Variants in ANKRD44 observed in about 807,000 individuals in gnomAD.
ANKRD44 encodes the protein ankyrin repeat domain 44.
Under a neutral mutation model 116.0 loss-of-function variants are expected in ANKRD44, and 35 were observed. The ratio of observed to expected loss-of-function variants is 0.30; its 90% CI spans 0.23 to 0.40. The LOEUF (loss-of-function observed/expected upper bound fraction) is 0.40, where lower values mean the gene tolerates loss of function less well. Among genes scored for constraint, ANKRD44 ranks in the 10% least tolerant of loss-of-function variants. The pLI is 1.00. For synonymous variants in ANKRD44, 435 were observed against 461.8 expected (o/e 0.94, Z 0.74); for missense variants, 1,014 against 1,242.6 (o/e 0.82, Z 2.77).
chr2:197,099,921 A>C lies in ANKRD44; in HGVS notation c.995T>G (p.Ile332Ser). The change falls in exon 10 of 28, where the codon ATT becomes AGT. Residue 332 changes from isoleucine to serine, a missense_variant. By Grantham distance (142) the Ile-to-Ser change is moderately radical. Coordinates refer to ENST00000282272, the MANE Select transcript of ANKRD44 (RefSeq NM_001195144.2). ...SQTLIQNGGE[I>S]DCVDKDGNTP... is the part of the protein sequence containing the mutation. ...GTTGCCGTCCTTATCCACACAGTCA[A>C]TTTCACCTCCTGAAAGAGATATTTT... The C allele has an allele frequency of 1.9e-6, 3 of 1,614,006 alleles. No homozygotes were observed. Among genetic ancestry groups the C allele is most frequent in the Non-Finnish European group, 8.5e-7 (1 of 1,179,930 alleles).
chr2:197,241,823 C>G (rs1257921139), intron 1 of ANKRD44, among the ~76,000 whole-genome samples: 1 of 151,968 alleles, frequency 6.6e-6, no homozygotes, highest in African/African-American at 2.4e-5. Flanking sequence ...TGCTGGTGGC[C>G]TGAAAGAGGA....
chr2:197,147,448 C>A (rs758151767), intron 2 of ANKRD44, among the ~76,000 whole-genome samples: 10 of 145,732 alleles, frequency 6.9e-5, no homozygotes, highest in Non-Finnish European at 1.5e-4. Flanking sequence ...AAAAAAAAAT[C>A]TAACCTACCA....
chr2:197,263,253 G>T (rs569831467), intron 1 of ANKRD44: 2 of 551,384 alleles, frequency 3.6e-6, no homozygotes, highest in Non-Finnish European at 3.3e-6. Flanking sequence ...GTAGTCTCAC[G>T]TCCCCTTACC....
rs1158742057 is a variant in ANKRD44, at chr2:197,088,697, T to G, written c.1247+14A>C. 1.3e-6 allele frequency: 2 copies of G among 1,572,656 alleles called. No homozygotes were observed. Among genetic ancestry groups the G allele is most frequent in the Non-Finnish European group, 1.7e-6 (2 of 1,148,966 alleles). Reference sequence around the variant, plus strand: ...TAGTAACTCATAAATTAACTAGAATTGGTAACTACTCACCCTCCTGCAGCA... The same window carrying G: ...TAGTAACTCATAAATTAACTAGAATGGGTAACTACTCACCCTCCTGCAGCA... On this transcript the variant is annotated intron_variant, in intron 12 of 27. Transcript: ENST00000282272.
intron 1 of ANKRD44, among the ~76,000 whole-genome samples, chr2:197,196,062 GAAC>G (rs975273053): frequency 2.6e-5 from 4 of 152,168 alleles, no homozygotes; most frequent in African/African-American, 7.2e-5. Context: ...GAAACAAAAA[GAAC>G]AACTATATAT....
At chr2:197,153,255 C>G (rs150972932) in intron 2 of ANKRD44, among the ~76,000 whole-genome samples, 2 of 129,616 alleles carry the variant, frequency 1.5e-5, no homozygotes, top group African/African-American at 5.9e-5. Context: ...AAAGAAGAAA[C>G]AAGAAGAAGA....
chr2:197,078,779 G>A lies in ANKRD44; in HGVS notation c.1574C>T (p.Pro525Leu), dbSNP rs1299195318. The A allele has an allele frequency of 1.4e-5, 22 of 1,612,952 alleles. No individual in the cohort carries two copies. The highest frequency in any genetic ancestry group is 1.9e-5 in the Non-Finnish European group (22 of 1,179,300). Residue 525 changes from proline (P) to leucine (L), a missense_variant, in exon 16 of 28, where the codon CCA becomes CTA. By Grantham distance (98) the Pro-to-Leu change is moderately conservative (BLOSUM62 -3). Transcript: ENST00000282272. Reference sequence around the variant, plus strand: ...GTAACCTTCCTTGTCCCGGATAGATGGATTTGCATCATTTTGAAGCAGAAA... The same window carrying A: ...GTAACCTTCCTTGTCCCGGATAGATAGATTTGCATCATTTTGAAGCAGAAA... ...LEFLLQNDAN[P>L]SIRDKEGYNS...
Position 197,214,101 on chromosome 2 carries a change from C to A in ANKRD44, c.28-26995G>T, listed in dbSNP as rs975985521. Among the ~76,000 whole-genome samples, 7 of 152,158 alleles carry A rather than the reference C, an allele frequency of 4.6e-5. No individual in the cohort carries two copies. In the East Asian group the frequency reaches 1.4e-3, roughly 29 times the overall value. ...GCTATAGCTATTTTCATATTCTTTA[C>A]CCCCATAATTTTTGTGGGAAATTAC... On this transcript the variant is annotated intron_variant, in intron 1 of 27. Coordinates refer to ENST00000282272, the MANE Select transcript of ANKRD44 (RefSeq NM_001195144.2).
intron 1 of ANKRD44, among the ~76,000 whole-genome samples, chr2:197,292,399 T>A (rs2083597052): frequency 6.6e-6 from 1 of 152,208 alleles, no homozygotes; most frequent in African/African-American, 2.4e-5. Flanking sequence ...TCATTGTGGT[T>A]TTGATTTGCA....
At chr2:197,063,136 C>G in intron 16 of ANKRD44, among the ~76,000 whole-genome samples, 1 of 152,208 alleles carries the variant, frequency 6.6e-6, no homozygotes, top group East Asian at 1.9e-4. Flanking sequence ...GAGGAACAAT[C>G]AGGCAGCAAC....
At chr2:196,993,441 G>T in intron 27 of ANKRD44, 142 bp downstream of exon 27, 1 of 672,934 alleles carries the variant, frequency 1.5e-6, no homozygotes, top group Non-Finnish European at 2.5e-6. Flanking sequence ...AGTTATCCTT[G>T]CTTGATTTCT....
At chr2:197,124,918 G>T (rs1224800839) in intron 6 of ANKRD44, among the ~76,000 whole-genome samples, 1 of 152,152 alleles carries the variant, frequency 6.6e-6, no homozygotes, top group African/African-American at 2.4e-5. Flanking sequence ...AATCACCAGC[G>T]CCTCTGGTGC....
At chr2:197,138,176 T>C (rs907964871) in intron 3 of ANKRD44, among the ~76,000 whole-genome samples, 66 of 152,198 alleles carry the variant, frequency 4.3e-4, no homozygotes, top group Non-Finnish European at 4.9e-4. Context: ...GGAAAGTGCT[T>C]TGTAAATTGC....
At chr2:197,282,080 C>T (rs1276975797) in intron 1 of ANKRD44, among the ~76,000 whole-genome samples, 2 of 151,984 alleles carry the variant, frequency 1.3e-5, no homozygotes, top group Non-Finnish European at 1.5e-5. Context: ...GGTGAAACCC[C>T]GTCTCTACTA....
intron 10 of ANKRD44, among the ~76,000 whole-genome samples, chr2:197,095,854 T>C (rs756944865): frequency 2.0e-5 from 3 of 152,198 alleles, no homozygotes; most frequent in Non-Finnish European, 4.4e-5. Context: ...TACTACTAAA[T>C]TGTGCAGTTA....
intron 2 of ANKRD44, among the ~76,000 whole-genome samples, chr2:197,161,980 T>A (rs2079976717): frequency 6.6e-6 from 1 of 152,212 alleles, no homozygotes; most frequent in South Asian, 2.1e-4. Flanking sequence ...CACACCATGC[T>A]ACGGTCTCGT....
intron 16 of ANKRD44, among the ~76,000 whole-genome samples, chr2:197,047,272 G>A (rs62279185): frequency 0.15 from 22,501 of 151,936 alleles, 1,986 homozygotes; most frequent in Admixed American, 0.19. Context: ...CACCCGCCTC[G>A]GCCTCCCAAA....
chr2:197,310,648 G>C lies in ANKRD44; in HGVS notation c.-44C>G. 7.5e-7 allele frequency: 1 copy of C among 1,332,078 alleles called. No homozygotes were observed. 82.5% of individuals were successfully genotyped at this position (1,332,078 alleles called of 1,614,324 possible). On this transcript the variant is annotated 5_prime_UTR_variant, in exon 1 of 28. Transcript: ENST00000282272. Reference sequence around the variant, plus strand: ...GCACACACATGCAGGTCCCCGGCCCGCAGATGTCACGCCGGGAGCCGGGGA... The same window carrying C: ...GCACACACATGCAGGTCCCCGGCCCCCAGATGTCACGCCGGGAGCCGGGGA...
Position 197,125,862 on chromosome 2 carries a change from T to C in ANKRD44, c.437A>G (p.His146Arg). The change falls in exon 5 of 28, where the codon CAT (histidine) becomes CGT (arginine). Residue 146 changes from histidine to arginine, a missense_variant. Physicochemically the swap from His to Arg is conservative, Grantham distance 29 (BLOSUM62 0). Transcript: ENST00000282272. Reference sequence around the variant, plus strand: ...CTCCACGTGGCCGTTCAGAGCCGCATGGTGCAAGGCTGTGCGCCCCCCTCG... The same window carrying C: ...CTCCACGTGGCCGTTCAGAGCCGCACGGTGCAAGGCTGTGCGCCCCCCTCG... ...SDRGGRTALH[H>R]AALNGHVEMV... 6.2e-7 allele frequency: 1 copy of C among 1,614,152 alleles called. No homozygotes were observed. Among genetic ancestry groups the C allele is most frequent in the South Asian group, 1.1e-5 (1 of 91,070 alleles).
Sources: gnomAD v4.1 joint callset for allele counts (sites outside exome capture counted in the v4.1 genomes callset) on GRCh38, gnomAD v4.1.1 for gene constraint, MANE v1.5 for transcripts, NCBI Gene and HGNC (gene_info 2026-07-23, HGNC 2026-07-21) for gene names.